The following PHRF1 variants were observed in gnomAD, a reference collection of about 807,000 sequenced individuals.
The protein encoded by PHRF1 is PHD and RING finger domain-containing protein 1.
Under a neutral mutation model 128.9 loss-of-function variants are expected in PHRF1, and 53 were observed. The ratio of observed to expected loss-of-function variants is 0.41; its 90% CI spans 0.33 to 0.52. PHRF1 has a LOEUF of 0.52. Among genes scored for constraint, PHRF1 ranks in the 20% least tolerant of loss-of-function variants. The pLI is 0.21. For synonymous variants in PHRF1, 1,178 were observed against 980.6 expected (o/e 1.20, Z -3.76); for missense variants, 2,503 against 2,284.5 (o/e 1.10, Z -1.95).
At position 608,450 on chromosome 11, in the gene PHRF1, C is replaced by T. The variant is rs1366942464; in HGVS notation, c.2994C>T (p.Ser998=). The T allele has an allele frequency of 6.2e-7, 1 of 1,612,474 alleles. No individual in the cohort carries two copies. The highest frequency in any genetic ancestry group is 1.7e-5 in the Admixed American group (1 of 59,978). Residue 998 remains serine, a synonymous_variant, in exon 14 of 18, where the codon AGC becomes AGT. Coordinates refer to ENST00000264555, the MANE Select transcript of PHRF1 (RefSeq NM_001286581.2). The part of the protein sequence containing the change: ...RPPSRSRSTS[S]SRSRKKAKRK... The stretch of plus-strand genomic sequence containing the variant: ...CTTCCCGGTCCCGCTCCACATCCAG[C>T]TCCCGCAGCAGGAAGAAGGCCAAGA...
At position 608,771 on chromosome 11, in the gene PHRF1, G is replaced by C; in HGVS notation, c.3315G>C (p.Glu1105Asp). The change falls in exon 14 of 18, where the codon GAG becomes GAC. Residue 1105 changes from glutamate (E) to aspartate (D), a missense_variant. Transcript: ENST00000264555. The stretch of plus-strand genomic sequence containing the variant: ...GCAGCTCTTCCTATGAGCACTATGA[G>C]AGTAGGAAGAAGAAGAAAAGGAGAT... Reference protein sequence around the residue: ...SPGSSSYEHYESRKKKKRRSA... With the variant: ...SPGSSSYEHYDSRKKKKRRSA... The C allele has an allele frequency of 6.2e-7, 1 of 1,611,836 alleles. No individual in the cohort carries two copies. The highest frequency in any genetic ancestry group is 8.5e-7 in the Non-Finnish European group (1 of 1,179,676).
chr11:592,466 A>G (rs928915929), intron 5 of PHRF1, 93 bp from the exon 6 acceptor site: 3 of 1,244,582 alleles, frequency 2.4e-6, no homozygotes, highest in African/African-American at 1.5e-5. Flanking sequence ...ATCTAAGGCA[A>G]TGGGTGGATT....
intron 15 of PHRF1, 64 bp downstream of exon 15, chr11:610,411 C>A: frequency 6.5e-7 from 1 of 1,537,108 alleles, no homozygotes; most frequent in South Asian, 1.2e-5. Flanking sequence ...GCCACACACA[C>A]CACACTAGGC....
At position 607,861 on chromosome 11, in the gene PHRF1, C is replaced by T; in HGVS notation, c.2405C>T (p.Pro802Leu). Residue 802 changes from proline to leucine, a missense_variant, in exon 14 of 18, where the codon CCT becomes CTT. Coordinates refer to ENST00000264555, the MANE Select transcript of PHRF1 (RefSeq NM_001286581.2). ...SSPGFCNTFR[P>L]VDDKEQRKEN... The stretch of plus-strand genomic sequence containing the variant: ...CCTGGCTTCTGTAACACGTTCCGGC[C>T]TGTGGACGATAAGGAGCAGAGGAAG... The T allele has an allele frequency of 6.2e-7, 1 of 1,612,832 alleles. No individual in the cohort carries two copies. The highest frequency in any genetic ancestry group is 1.1e-5 in the South Asian group (1 of 91,090).
rs771140772 is a variant in PHRF1 at position 607,990 on chromosome 11, G to C, written c.2534G>C (p.Ser845Thr). The change falls in exon 14 of 18, where the codon AGC becomes ACC. Residue 845 changes from serine (S) to threonine (T), a missense_variant. Physicochemically the swap from Ser to Thr is moderately conservative, Grantham distance 58. Transcript: ENST00000264555. Reference sequence around the variant, plus strand: ...GGCTCCGACTCCAGCGCCCCTGGCAGCAGCCCCGAGAGGTCTGGCCCCGGC... The same window carrying C: ...GGCTCCGACTCCAGCGCCCCTGGCACCAGCCCCGAGAGGTCTGGCCCCGGC... ...PTGSDSSAPG[S>T]SPERSGPGLL... The C allele has an allele frequency of 5.0e-6, 8 of 1,611,396 alleles. No homozygotes were observed. In the South Asian group the frequency reaches 8.8e-5, roughly 18 times the overall value.
At chr11:602,381 T>C (rs1233935729) in intron 10 of PHRF1, among the ~76,000 whole-genome samples, 2 of 152,126 alleles carry the variant, frequency 1.3e-5, no homozygotes, top group African/African-American at 4.8e-5. Context: ...CACCTTAATA[T>C]GTAAAAACTT....
rs1338122202 is a variant in PHRF1, at chr11:602,760, TGTTTTTTTTG to T, written c.1152+1060_1152+1069del. On this transcript the variant is annotated intron_variant, in intron 10 of 17. Transcript: ENST00000264555. The stretch of plus-strand genomic sequence containing the variant: ...GCTGAATCTTTTTTGGTTTTGTTTT[TGTTTTTTTTG>T]TTTTTTTTTTTGAGATGGAGTCTCA... 2.1e-3 allele frequency among the ~76,000 whole-genome samples: 299 copies of T among 140,754 alleles called. 3 individuals carry two copies. Among genetic ancestry groups the T allele is most frequent in the African/African-American group, 8.9e-3 (283 of 31,638 alleles). 92.3% of individuals were successfully genotyped at this position (140,754 alleles called of 152,430 possible).
chr11:579,486 C>G (rs1336012423), intron 1 of PHRF1, among the ~76,000 whole-genome samples: 1 of 152,212 alleles, frequency 6.6e-6, no homozygotes, highest in Non-Finnish European at 1.5e-5. Flanking sequence ...TTAAGGTCCT[C>G]TTATCTGAGA....
At chr11:606,384 T>TGCGG in intron 12 of PHRF1, 58 bp from the exon 13 acceptor site, 1 of 1,494,414 alleles carries the variant, frequency 6.7e-7, no homozygotes, top group Middle Eastern at 2.4e-4. Flanking sequence ...TCTGCCTGGG[T>TGCGG]GCGGGCCCTC....
In PHRF1 at chr11:587,453, G is replaced by A. The variant is rs771102528; in HGVS notation, c.409G>A (p.Glu137Lys). ...TTACTTCTGCCTGGACTGCATTGTC[G>A]AATGGTCCAAGGTGAGTTCACCTCT... Reference protein sequence around the residue: ...AHYFCLDCIVEWSKNANSCPV... With the variant: ...AHYFCLDCIVKWSKNANSCPV... Residue 137 changes from glutamate (E) to lysine (K), a missense_variant, in exon 4 of 18, where the codon GAA (glutamate) becomes AAA (lysine). Transcript: ENST00000264555. 6.2e-7 allele frequency: 1 copy of A among 1,613,186 alleles called. No homozygotes were observed. The highest frequency in any genetic ancestry group is 8.5e-7 in the Non-Finnish European group (1 of 1,179,888).
Position 608,918 on chromosome 11 carries a change from G to A in PHRF1, c.3462G>A (p.Trp1154Ter). ...ERPDRKESVA[W>*]PRDRRKRRSR... is the part of the protein sequence containing the mutation. ...CAGACAGGAAGGAGAGTGTGGCGTG[G>A]CCCCGAGACCGGAGGAAGCGGAGGT... is the stretch of plus-strand genomic sequence containing the variant. The change falls in exon 14 of 18, where the codon TGG becomes TGA. Residue 1154 changes from tryptophan to a stop codon, truncating the protein, a stop_gained. Transcript: ENST00000264555. LOFTEE classifies it high-confidence loss of function. 6.2e-7 allele frequency: 1 copy of A among 1,612,024 alleles called. No homozygotes were observed. Among genetic ancestry groups the A allele is most frequent in the Non-Finnish European group, 8.5e-7 (1 of 1,179,716 alleles).
At chr11:583,653 G>C (rs1202303642) in intron 3 of PHRF1, among the ~76,000 whole-genome samples, 4 of 152,242 alleles carry the variant, frequency 2.6e-5, no homozygotes, top group African/African-American at 9.6e-5. Context: ...AGCTACGCAG[G>C]AGGCTGAGGT....
chr11:603,883 A>G (rs1211740630), intron 10 of PHRF1, among the ~76,000 whole-genome samples: 2 of 151,298 alleles, frequency 1.3e-5, no homozygotes, highest in Non-Finnish European at 2.9e-5. Flanking sequence ...TTGTATTTTT[A>G]GTAGAGATGG....
chr11:577,505 T>C (rs1011276450), intron 1 of PHRF1, among the ~76,000 whole-genome samples: 1 of 152,238 alleles, frequency 6.6e-6, no homozygotes, highest in Non-Finnish European at 1.5e-5. Flanking sequence ...ATTGGAAGAA[T>C]GTTAAGTCAG....
At position 612,002 on chromosome 11, in the gene PHRF1, G is replaced by T; in HGVS notation, c.*225G>T. 1 of 613,402 alleles carries T rather than the reference G, an allele frequency of 1.6e-6. No individual in the cohort carries two copies. The highest frequency in any genetic ancestry group is 2.2e-5 in the South Asian group (1 of 44,832). 38.0% of individuals were successfully genotyped at this position (613,402 alleles called of 1,614,324 possible). The stretch of plus-strand genomic sequence containing the variant: ...AGTTGAAAACTGGACACTTTTGTAT[G>T]TATATTATAGAGACACTGTTTCCAT... On this transcript the variant is annotated 3_prime_UTR_variant, in exon 18 of 18. Coordinates refer to ENST00000264555, the MANE Select transcript of PHRF1 (RefSeq NM_001286581.2).
In PHRF1 at chr11:608,490, A is replaced by G. The variant is rs1487636691; in HGVS notation, c.3034A>G (p.Arg1012Gly). 1.9e-6 allele frequency: 3 copies of G among 1,612,312 alleles called. No homozygotes were observed. The highest frequency in any genetic ancestry group is 2.2e-5 in the East Asian group (1 of 44,888). Residue 1012 changes from arginine (R) to glycine (G), a missense_variant, in exon 14 of 18, where the codon AGG (arginine) becomes GGG (glycine). By Grantham distance (125) the Arg-to-Gly change is moderately radical (BLOSUM62 -2). Coordinates refer to ENST00000264555, the MANE Select transcript of PHRF1 (RefSeq NM_001286581.2). ...RKKAKRKRVS[R>G]EHGRTRSGTR... ...GAAGGCCAAGAGGAAGAGGGTGTCC[A>G]GGGAGCACGGACGGACGCGCTCTGG... is the stretch of plus-strand genomic sequence containing the variant.
In PHRF1 at chr11:587,434, C is replaced by T. The variant is rs377697380; in HGVS notation, c.390C>T (p.Phe130=). Residue 130 remains phenylalanine (F), a synonymous_variant, in exon 4 of 18, where the codon TTC becomes TTT. Coordinates refer to ENST00000264555, the MANE Select transcript of PHRF1 (RefSeq NM_001286581.2). ...CGCCGGAGAACTGTGCCCATTACTT[C>T]TGCCTGGACTGCATTGTCGAATGGT... ...VGTPENCAHY[F]CLDCIVEWSK... 8.9e-5 allele frequency: 143 copies of T among 1,613,448 alleles called. No homozygotes were observed. The highest frequency in any genetic ancestry group is 1.2e-4 in the Non-Finnish European group (139 of 1,179,910).
At position 581,476 on chromosome 11, in the gene PHRF1, C is replaced by T. The variant is rs199621048; in HGVS notation, c.-21-16C>T. 7.8e-3 allele frequency: 12,578 copies of T among 1,609,748 alleles called. 59 individuals carry two copies. Among genetic ancestry groups the T allele is most frequent in the Non-Finnish European group, 9.4e-3 (11,054 of 1,177,354 alleles). ...CTGGGACAGTTTGGAAGTTGCTTGG[C>T]TCTTCTTTCTTTCAGAGCTGAGCTC... On this transcript the variant is annotated splice_polypyrimidine_tract_variant and intron_variant, in intron 1 of 17. Transcript: ENST00000264555.
rs575372937 is a variant in PHRF1, at chr11:610,515, C to G, written c.4431C>G (p.Gly1477=). Residue 1477 remains glycine, a synonymous_variant, in exon 16 of 18, where the codon GGC becomes GGG. Coordinates refer to ENST00000264555, the MANE Select transcript of PHRF1 (RefSeq NM_001286581.2). ...DTDPSQVYSP[G]LPPAPAQPSS... is the part of the protein sequence containing the mutation. ...GTCCCTCCCAGGTTTACAGCCCCGG[C>G]CTGCCGCCTGCCCCGGCCCAGCCCT... The G allele has an allele frequency of 2.5e-6, 4 of 1,603,696 alleles. No individual in the cohort carries two copies. The highest frequency in any genetic ancestry group is 3.3e-5 in the Admixed American group (2 of 59,906).
Sources: gnomAD v4.1 joint callset for allele counts (sites outside exome capture counted in the v4.1 genomes callset) on GRCh38, gnomAD v4.1.1 for gene constraint, MANE v1.5 for transcripts, NCBI Gene and HGNC (gene_info 2026-07-23, HGNC 2026-07-21) for gene names.